The following XKR9 variants were observed in gnomAD, a reference collection of about 807,000 sequenced individuals.
XKR9 encodes the protein XK related 9.
In XKR9, 32 loss-of-function variants were observed where a neutral mutation model predicts 32.0. The ratio of observed to expected loss-of-function variants is 1.00; its 90% CI spans 0.76 to 1.34. The LOEUF (loss-of-function observed/expected upper bound fraction) is 1.34, where lower values mean the gene tolerates loss of function less well. Among genes scored for constraint, XKR9 ranks in the 40% most tolerant of loss-of-function variants. The pLI, the probability that XKR9 is intolerant of heterozygous loss-of-function variation, is 0.00. For missense variants in XKR9, 546 were observed against 429.7 expected (o/e 1.27, Z -2.39); for synonymous variants, 168 against 143.4 (o/e 1.17, Z -1.22).
chr8:71,001,486 C>T, the XKR9 span, among the ~76,000 whole-genome samples: 1 of 152,284 alleles, frequency 6.6e-6, no homozygotes, highest in South Asian at 2.1e-4. Flanking sequence ...TGGTCTCAAA[C>T]TCCTGGGCTC....
rs536462028 is a variant in XKR9, at chr8:70,783,167, T to C, written n.353-6172T>C. On this transcript the variant is annotated intron_variant and non_coding_transcript_variant, in intron 2 of 3. Coordinates refer to the XKR9 transcript ENST00000520273. The stretch of plus-strand genomic sequence containing the variant: ...CCTTCTTGTGGTTTTACCTTGCATT[T>C]CCCTAATGGTTAGCAATATTAAGCA... Among the ~76,000 whole-genome samples, 6 of 152,254 alleles carry C rather than the reference T, an allele frequency of 3.9e-5. No individual in the cohort carries two copies. In the South Asian group the frequency reaches 1.0e-3, roughly 26 times the overall value.
chr8:70,924,903 GAAGGATTAA>G, the XKR9 span, among the ~76,000 whole-genome samples: 2 of 152,204 alleles, frequency 1.3e-5, no homozygotes, highest in East Asian at 3.8e-4. Flanking sequence ...CAAGTCACTT[GAAGGATTAA>G]AAGAAACTGA....
chr8:70,868,360 G>A, the XKR9 span, among the ~76,000 whole-genome samples: 1 of 151,974 alleles, frequency 6.6e-6, no homozygotes, highest in Non-Finnish European at 1.5e-5. Context: ...TTCTGCTTGG[G>A]CATGTAGGTA....
chr8:70,902,721 T>C, the XKR9 span, among the ~76,000 whole-genome samples: 1 of 152,236 alleles, frequency 6.6e-6, no homozygotes, highest in Admixed American at 6.5e-5. Context: ...TCAAAGGGAA[T>C]GCTTTCTGCT....
the XKR9 span, among the ~76,000 whole-genome samples, chr8:71,035,377 G>A: frequency 6.6e-6 from 1 of 152,102 alleles, no homozygotes; most frequent in Admixed American, 6.5e-5. Flanking sequence ...ATAAACAAGA[G>A]GTCTACAAGC....
chr8:70,744,707 G>T (rs890159400), intron 2 of XKR9, among the ~76,000 whole-genome samples: 1 of 152,208 alleles, frequency 6.6e-6, no homozygotes, highest in African/African-American at 2.4e-5. Flanking sequence ...CTGGGTTCGC[G>T]TGATTCTTGT....
At chr8:70,882,293 C>T in the XKR9 span, among the ~76,000 whole-genome samples, 1 of 151,402 alleles carries the variant, frequency 6.6e-6, no homozygotes, top group Non-Finnish European at 1.5e-5. Flanking sequence ...CTTTTATTTA[C>T]AAAAATATTT....
downstream of XKR9, among the ~76,000 whole-genome samples, chr8:70,791,306 C>T (rs1807761400): frequency 6.7e-6 from 1 of 150,214 alleles, no homozygotes; most frequent in Non-Finnish European, 1.5e-5. Flanking sequence ...GAGCCCTCAT[C>T]TCACTTAAAA....
At position 70,700,829 on chromosome 8, in the gene XKR9, G is replaced by A. The variant is rs562183501; in HGVS notation, c.273-6104G>A. ...CAGGCAGGCCTCCTTGAGCTGTGCTGGGCTCCACGCAGTTTGAGCTTCCCA... is the reference window on the plus strand; with the variant it reads ...CAGGCAGGCCTCCTTGAGCTGTGCTAGGCTCCACGCAGTTTGAGCTTCCCA... On this transcript the variant is annotated intron_variant, in intron 3 of 4. Coordinates refer to ENST00000408926, the MANE Select transcript of XKR9 (RefSeq NM_001011720.2). Among the ~76,000 whole-genome samples the A allele has an allele frequency of 2.6e-5, 4 of 152,338 alleles. No homozygotes were observed. The South Asian group carries it at 8.3e-4, about 32-fold the overall frequency.
At chr8:71,040,879 G>A in the XKR9 span, among the ~76,000 whole-genome samples, 2 of 152,110 alleles carry the variant, frequency 1.3e-5, no homozygotes, top group Non-Finnish European at 2.9e-5. Flanking sequence ...TGTGCATAAA[G>A]CTTTTTCTGT....
intron 2 of XKR9, among the ~76,000 whole-genome samples, chr8:70,750,758 A>G (rs1468223058): frequency 6.6e-6 from 1 of 152,188 alleles, no homozygotes; most frequent in Non-Finnish European, 1.5e-5. Context: ...TTAACTTTAG[A>G]ACATTTTCAT....
intron 3 of XKR9, 30 bp downstream of exon 3, chr8:70,681,360 G>A: frequency 1.3e-6 from 2 of 1,574,688 alleles, no homozygotes; most frequent in Non-Finnish European, 1.7e-6. Context: ...CATTACCACT[G>A]TTTTTCTTTT....
chr8:70,968,990 G>T, the XKR9 span, among the ~76,000 whole-genome samples: 1 of 152,126 alleles, frequency 6.6e-6, no homozygotes, highest in Non-Finnish European at 1.5e-5. Context: ...CCATGCTGGG[G>T]GAAACCTGCC....
At chr8:70,760,471 C>A (rs1807292415) in intron 2 of XKR9, among the ~76,000 whole-genome samples, 1 of 152,066 alleles carries the variant, frequency 6.6e-6, no homozygotes, top group Non-Finnish European at 1.5e-5. Flanking sequence ...AGTCACTATG[C>A]CTTTTTTATT....
At chr8:71,032,032 C>T in the XKR9 span, among the ~76,000 whole-genome samples, 26 of 152,244 alleles carry the variant, frequency 1.7e-4, no homozygotes, top group Admixed American at 9.8e-4. Flanking sequence ...CGGTGGCTTA[C>T]GCCTGTAATC....
At chr8:70,811,685 A>G in the XKR9 span, among the ~76,000 whole-genome samples, 1 of 152,262 alleles carries the variant, frequency 6.6e-6, no homozygotes, top group Non-Finnish European at 1.5e-5. Context: ...AAACTAGAAA[A>G]TCTAGAAGAA....
At chr8:70,869,706 G>A in the XKR9 span, among the ~76,000 whole-genome samples, 1 of 152,146 alleles carries the variant, frequency 6.6e-6, no homozygotes, top group Non-Finnish European at 1.5e-5. Context: ...GAGAATAAAT[G>A]TCTTAGAACT....
rs757641833 is a variant in XKR9, at chr8:70,681,008, C to CT, written c.-46dup. 6.5e-7 allele frequency: 1 copy of CT among 1,542,372 alleles called. No homozygotes were observed. Among genetic ancestry groups the CT allele is most frequent in the Non-Finnish European group, 8.7e-7 (1 of 1,147,204 alleles). ...CTAATATTTGTTTGGCTTTTTTTCC[C>CT]TTTTTGTGAGGGAGAAAAAAGTAGA... On this transcript the variant is annotated 5_prime_UTR_variant, in exon 3 of 5. Transcript: ENST00000408926.
intron 4 of XKR9, among the ~76,000 whole-genome samples, chr8:70,711,164 C>T (rs1464825222): frequency 6.6e-6 from 1 of 152,142 alleles, no homozygotes; most frequent in Non-Finnish European, 1.5e-5. Flanking sequence ...GACTGTTATA[C>T]AAACTGTTGG....
Sources: gnomAD v4.1 joint callset for allele counts (sites outside exome capture counted in the v4.1 genomes callset) on GRCh38, gnomAD v4.1.1 for gene constraint, MANE v1.5 for transcripts, NCBI Gene and HGNC (gene_info 2026-07-23, HGNC 2026-07-21) for gene names.